ANKRD36B: variants seen among roughly 807,000 people sequenced by gnomAD.
The protein encoded by ANKRD36B is ankyrin repeat domain 36B, also known as ankyrin repeat domain-containing protein 36B.
Under a neutral mutation model 135.7 loss-of-function variants are expected in ANKRD36B, and 37 were observed. That is an observed-to-expected ratio of 0.27 (90% CI 0.21 to 0.36). The LOEUF (loss-of-function observed/expected upper bound fraction) is 0.36. ANKRD36B is among the 10% of genes least tolerant of loss of function. The pLI, the probability that ANKRD36B is intolerant of heterozygous loss-of-function variation, is 1.00. For missense variants in ANKRD36B, 549 were observed against 1,037.1 expected (o/e 0.53, Z 6.46); for synonymous variants, 179 against 348.1 (o/e 0.51, Z 5.41).
rs564338659 is a variant in ANKRD36B at position 97,561,744 on chromosome 2, G to C, written c.764-884C>G. Among the ~76,000 whole-genome samples, 436 of 151,982 alleles carry C rather than the reference G, an allele frequency of 2.9e-3. 1 individual carries two copies. The highest frequency in any genetic ancestry group is 4.7e-3 in the Non-Finnish European group (318 of 67,878). On this transcript the variant is annotated intron_variant, in intron 6 of 43. Coordinates refer to ENST00000359901, the MANE Select transcript of ANKRD36B (RefSeq NM_001393939.1). The stretch of plus-strand genomic sequence containing the variant: ...TTAAAGTATCATGTTATTCTCTAGA[G>C]AATTTTTATTAAGTTGCTATTTTAT...
intron 40 of ANKRD36B, among the ~76,000 whole-genome samples, chr2:97,508,292 TG>T (rs2077400245): frequency 1.4e-5 from 1 of 73,492 alleles, no homozygotes. Context: ...TGGCTACTTT[TG>T]TGCTGTAATT....
At position 97,578,979 on chromosome 2, in the gene ANKRD36B, T is replaced by A. The variant is rs956251895; in HGVS notation, c.622A>T (p.Asn208Tyr). ...KDIVILLLQH[N>Y]IDVFSRDVYG... ...ACATCTCGAGAAAACACATCAATAT[T>A]GTGCTGCAGAAGAAGAATGACTATA... Residue 208 changes from asparagine to tyrosine, a missense_variant, in exon 5 of 44, where the codon AAT (asparagine) becomes TAT (tyrosine). Coordinates refer to ENST00000359901, the MANE Select transcript of ANKRD36B (RefSeq NM_001393939.1). The A allele has an allele frequency of 6.2e-7, 1 of 1,612,836 alleles. No individual in the cohort carries two copies. The highest frequency in any genetic ancestry group is 1.3e-5 in the African/African-American group (1 of 74,890).
chr2:97,587,610 C>G (rs1478762805), intron 1 of ANKRD36B, among the ~76,000 whole-genome samples: 1 of 152,080 alleles, frequency 6.6e-6, no homozygotes, highest in Non-Finnish European at 1.5e-5. Context: ...CTATTTTAAG[C>G]AGTGCTGAGA....
At chr2:97,582,185 A>T (rs2082675519) in intron 3 of ANKRD36B, among the ~76,000 whole-genome samples, 2 of 152,314 alleles carry the variant, frequency 1.3e-5, no homozygotes, top group South Asian at 4.1e-4. Context: ...CTATGCAACT[A>T]TACCATGATT....
chr2:97,547,497 C>A (rs1170024327), intron 22 of ANKRD36B, 39 bp downstream of exon 22: 2 of 1,524,412 alleles, frequency 1.3e-6, no homozygotes, highest in African/African-American at 2.8e-5. Context: ...TCTTATCTAC[C>A]CGGACTGAAC....
chr2:97,576,299 C>CT, intron 6 of ANKRD36B, 80 bp downstream of exon 6: 1 of 379,390 alleles, frequency 2.6e-6, no homozygotes, highest in Non-Finnish European at 5.0e-6. Flanking sequence ...TTTTAAACTG[C>CT]TTTTTTGTAA....
chr2:97,535,596 A>G (rs2078844386), intron 34 of ANKRD36B, among the ~76,000 whole-genome samples: 1 of 109,320 alleles, frequency 9.1e-6, no homozygotes, highest in South Asian at 2.3e-4. Context: ...AAAACAAAAT[A>G]TGTTACAAAA....
chr2:97,562,115 T>C (rs1421140303), intron 6 of ANKRD36B, among the ~76,000 whole-genome samples: 15 of 152,070 alleles, frequency 9.9e-5, no homozygotes, highest in African/African-American at 3.4e-4. Context: ...TGTCTCTTCG[T>C]CCACTTTTGC....
chr2:97,553,504 T>A, intron 14 of ANKRD36B, 133 bp from the exon 15 acceptor site: 1 of 1,162,784 alleles, frequency 8.6e-7, no homozygotes, highest in Non-Finnish European at 1.2e-6. Flanking sequence ...CTACTTTATG[T>A]CTTAAGCCAG....
At chr2:97,559,848 C>A (rs1349424102) in intron 8 of ANKRD36B, among the ~76,000 whole-genome samples, 2 of 151,902 alleles carry the variant, frequency 1.3e-5, no homozygotes, top group African/African-American at 4.8e-5. Context: ...CTGGGAGTAT[C>A]ATGTTAGTCT....
chr2:97,559,636 A>G (rs2080845766), intron 8 of ANKRD36B, among the ~76,000 whole-genome samples: 1 of 151,888 alleles, frequency 6.6e-6, no homozygotes, highest in South Asian at 2.1e-4. Context: ...TTCTTCATCC[A>G]CTCATGGCAA....
chr2:97,547,836 G>C, intron 20 of ANKRD36B, 105 bp from the exon 21 acceptor site: 1 of 1,467,362 alleles, frequency 6.8e-7, no homozygotes, highest in Non-Finnish European at 9.3e-7. Context: ...GCCTGTATTA[G>C]CATAGGCTTT....
rs763636535 is a variant in ANKRD36B, at chr2:97,545,833, C to T, written c.1608G>A (p.Lys536=). The change falls in exon 23 of 44, where the codon AAG becomes AAA. Residue 536 remains lysine, a splice_region_variant and synonymous_variant. Coordinates refer to ENST00000359901, the MANE Select transcript of ANKRD36B (RefSeq NM_001393939.1). The part of the protein sequence containing the change: ...RVSSHKQPSL[K]ATSDKEDSVP... ...AAAATACAAAAGAGAGTTTAATTAC[C>T]TTCAAGGATGGTTGTTTATGAGAAG... is the stretch of plus-strand genomic sequence containing the variant. The T allele has an allele frequency of 1.0e-6, 1 of 960,852 alleles. No individual in the cohort carries two copies. The highest frequency in any genetic ancestry group is 1.2e-5 in the South Asian group (1 of 84,688). 59.5% of individuals were successfully genotyped at this position (960,852 alleles called of 1,614,324 possible). A position where few individuals can be genotyped will look rare whatever the true frequency, so the allele number is the denominator to read the frequency against.
At chr2:97,530,686 A>G (rs2078526779) in intron 35 of ANKRD36B, among the ~76,000 whole-genome samples, 2 of 96,536 alleles carry the variant, frequency 2.1e-5, no homozygotes, top group South Asian at 4.7e-4. Flanking sequence ...CAGAATCTAC[A>G]AAGAACTCAA....
intron 14 of ANKRD36B, 72 bp downstream of exon 14, chr2:97,554,988 G>T: frequency 1.3e-6 from 2 of 1,541,032 alleles, no homozygotes; most frequent in Non-Finnish European, 1.8e-6. Flanking sequence ...CCCCCCCACT[G>T]ATTTATTTGG....
At chr2:97,566,196 A>G (rs1482274347) in intron 6 of ANKRD36B, among the ~76,000 whole-genome samples, 5 of 152,028 alleles carry the variant, frequency 3.3e-5, no homozygotes, top group Non-Finnish European at 5.9e-5. Context: ...TGGCACACGT[A>G]TGTAATCCCA....
chr2:97,526,614 G>A (rs1408997307), intron 35 of ANKRD36B, among the ~76,000 whole-genome samples: 40 of 95,530 alleles, frequency 4.2e-4, no homozygotes, highest in East Asian at 7.1e-4. Context: ...CTGAGCTACA[G>A]GAGGAAATTC....
rs763636535 is a variant in ANKRD36B at position 97,545,833 on chromosome 2, C to A, written c.1608G>T (p.Lys536Asn). ...RVSSHKQPSL[K>N]ATSDKEDSVP... is the part of the protein sequence containing the mutation. Reference sequence around the variant, plus strand: ...AAAATACAAAAGAGAGTTTAATTACCTTCAAGGATGGTTGTTTATGAGAAG... The same window carrying A: ...AAAATACAAAAGAGAGTTTAATTACATTCAAGGATGGTTGTTTATGAGAAG... Residue 536 changes from lysine (K) to asparagine (N), a missense_variant and splice_region_variant, in exon 23 of 44, where the codon AAG becomes AAT. Transcript: ENST00000359901. 2.1e-6 allele frequency: 2 copies of A among 960,852 alleles called. 1 individual carries two copies. The highest frequency in any genetic ancestry group is 5.1e-5 in the East Asian group (2 of 39,502). 59.5% of individuals were successfully genotyped at this position (960,852 alleles called of 1,614,324 possible). A position where few individuals can be genotyped will look rare whatever the true frequency, so the allele number is the denominator to read the frequency against.
chr2:97,530,812 T>C lies in ANKRD36B; in HGVS notation c.2265+1499A>G, dbSNP rs1242209844. ...CAAAAAACACATGAAAAAATGCTCA[T>C]CATCACTGGCCATCAGAGAAATGCA... On this transcript the variant is annotated intron_variant, in intron 35 of 43. Transcript: ENST00000359901. Among the ~76,000 whole-genome samples the C allele has an allele frequency of 1.5e-3, 131 of 88,218 alleles. 1 individual carries two copies. The highest frequency in any genetic ancestry group is 3.4e-3 in the African/African-American group (94 of 27,854). 57.9% of individuals were successfully genotyped at this position (88,218 alleles called of 152,430 possible).
Sources: allele counts gnomAD v4.1 joint callset (sites outside exome capture counted in the v4.1 genomes callset), GRCh38; gene constraint gnomAD v4.1.1; transcripts MANE v1.5; gene names NCBI Gene and HGNC (gene_info 2026-07-23, HGNC 2026-07-21).